Variants in GALNTL6 observed in about 807,000 individuals in gnomAD.
GALNTL6 encodes the protein polypeptide N-acetylgalactosaminyltransferase like 6.
GALNTL6 carries 46 observed loss-of-function variants against 73.7 expected under a neutral mutation model. The observed-to-expected ratio is 0.62, with a 90% confidence interval of 0.49 to 0.80. The LOEUF is 0.80. GALNTL6 is among the 30% of genes least tolerant of loss of function. The pLI is 0.00. For missense variants in GALNTL6, 604 were observed against 755.0 expected (o/e 0.80, Z 2.34); for synonymous variants, 259 against 263.7 (o/e 0.98, Z 0.17).
intron 2 of GALNTL6, among the ~76,000 whole-genome samples, chr4:172,022,902 A>G (rs891743893): frequency 6.6e-6 from 1 of 151,932 alleles, no homozygotes; most frequent in East Asian, 1.9e-4. Flanking sequence ...TCACAATTCC[A>G]TTCTAAATCT....
intron 2 of GALNTL6, among the ~76,000 whole-genome samples, chr4:172,199,273 G>C (rs540246035): frequency 3.9e-5 from 6 of 151,914 alleles, no homozygotes; most frequent in Non-Finnish European, 7.4e-5. Context: ...TAGGATTTTT[G>C]TGGAATTTTT....
chr4:172,553,904 G>T (rs939119718), intron 5 of GALNTL6, among the ~76,000 whole-genome samples: 4 of 152,008 alleles, frequency 2.6e-5, no homozygotes, highest in African/African-American at 9.7e-5. Flanking sequence ...AAAAAAATTA[G>T]CCAGGCATGG....
chr4:172,461,573 C>G (rs1732619872), intron 5 of GALNTL6, among the ~76,000 whole-genome samples: 1 of 152,090 alleles, frequency 6.6e-6, no homozygotes, highest in African/African-American at 2.4e-5. Context: ...GTGTTTCACT[C>G]TGGCCCAAAA....
At chr4:172,922,311 T>C (rs949829125) in intron 8 of GALNTL6, among the ~76,000 whole-genome samples, 4 of 152,168 alleles carry the variant, frequency 2.6e-5, no homozygotes, top group African/African-American at 9.7e-5. Flanking sequence ...ATGCCACTTT[T>C]TTTAGACTAT....
chr4:172,654,596 C>T (rs141479444), intron 5 of GALNTL6, among the ~76,000 whole-genome samples: 25 of 152,246 alleles, frequency 1.6e-4, no homozygotes, highest in African/African-American at 5.1e-4. Context: ...AGAAATTCCT[C>T]GGGCAATCTG....
At chr4:172,544,971 C>T (rs1393300325) in intron 5 of GALNTL6, among the ~76,000 whole-genome samples, 1 of 152,058 alleles carries the variant, frequency 6.6e-6, no homozygotes, top group East Asian at 1.9e-4. Flanking sequence ...CCAGGTTTTT[C>T]CCAATGCTTA....
chr4:172,536,493 T>A (rs1735349936), intron 5 of GALNTL6, among the ~76,000 whole-genome samples: 1 of 152,142 alleles, frequency 6.6e-6, no homozygotes, highest in Admixed American at 6.6e-5. Context: ...TGAGGAATGT[T>A]TTGGGAAGTG....
At chr4:172,090,464 T>A (rs1732170874) in intron 2 of GALNTL6, among the ~76,000 whole-genome samples, 1 of 152,244 alleles carries the variant, frequency 6.6e-6, no homozygotes. Context: ...ATGATAAGCA[T>A]TTTTTCATAT....
intron 2 of GALNTL6, among the ~76,000 whole-genome samples, chr4:172,008,152 G>A (rs1426644666): frequency 6.6e-6 from 1 of 152,126 alleles, no homozygotes; most frequent in African/African-American, 2.4e-5. Context: ...TATTCAAACA[G>A]CTTTCATACC....
intron 5 of GALNTL6, among the ~76,000 whole-genome samples, chr4:172,740,382 G>C (rs904685705): frequency 3.3e-5 from 5 of 152,180 alleles, no homozygotes; most frequent in African/African-American, 1.2e-4. Flanking sequence ...CAGCATGGCT[G>C]CCTTCACTTT....
chr4:172,138,980 G>C (rs1403219976), intron 2 of GALNTL6, among the ~76,000 whole-genome samples: 1 of 152,020 alleles, frequency 6.6e-6, no homozygotes, highest in Non-Finnish European at 1.5e-5. Context: ...ACTTTTAAAA[G>C]TAAATCTATC....
At chr4:171,850,510 T>C (rs1735495654) in intron 2 of GALNTL6, among the ~76,000 whole-genome samples, 1 of 152,324 alleles carries the variant, frequency 6.6e-6, no homozygotes, top group South Asian at 2.1e-4. Flanking sequence ...TCGAAGCCAG[T>C]GCTTGTTTAA....
At chr4:173,007,024 G>T (rs1349086925) in intron 10 of GALNTL6, among the ~76,000 whole-genome samples, 1 of 152,116 alleles carries the variant, frequency 6.6e-6, no homozygotes, top group Admixed American at 6.5e-5. Flanking sequence ...AGTCCCTATT[G>T]AATAAGGAGA....
At chr4:172,729,444 A>G (rs965561772) in intron 5 of GALNTL6, among the ~76,000 whole-genome samples, 1 of 152,132 alleles carries the variant, frequency 6.6e-6, no homozygotes, top group Non-Finnish European at 1.5e-5. Context: ...ATTCTTCTAC[A>G]TATAGATAGT....
chr4:172,955,550 T>C (rs1424581749), intron 10 of GALNTL6, among the ~76,000 whole-genome samples: 2 of 152,238 alleles, frequency 1.3e-5, no homozygotes, highest in Non-Finnish European at 2.9e-5. Context: ...TTTCAAAATG[T>C]TGACACATGC....
chr4:172,640,740 G>A (rs1317423760), intron 5 of GALNTL6, among the ~76,000 whole-genome samples: 3 of 152,044 alleles, frequency 2.0e-5, no homozygotes, highest in Admixed American at 1.3e-4. Flanking sequence ...ACACCTTTTT[G>A]AAGGCCCTGC....
intron 5 of GALNTL6, among the ~76,000 whole-genome samples, chr4:172,742,063 C>T (rs1736839614): frequency 6.6e-6 from 1 of 151,996 alleles, no homozygotes; most frequent in African/African-American, 2.4e-5. Context: ...TAAAACATCT[C>T]TCAGTTCTCT....
chr4:172,411,060 C>G (rs961924430), intron 5 of GALNTL6, among the ~76,000 whole-genome samples: 1 of 152,092 alleles, frequency 6.6e-6, no homozygotes, highest in Non-Finnish European at 1.5e-5. Flanking sequence ...ATTAAATGAA[C>G]TATGCTACCC....
intron 11 of GALNTL6, 40 bp downstream of exon 11, chr4:173,009,334 C>G: frequency 2.6e-6 from 3 of 1,158,136 alleles, no homozygotes; most frequent in Non-Finnish European, 2.6e-6. Flanking sequence ...GGGAACCAGT[C>G]GGGGGCTGAT....
Sources: allele counts gnomAD v4.1 joint callset (sites outside exome capture counted in the v4.1 genomes callset), GRCh38; gene constraint gnomAD v4.1.1; transcripts MANE v1.5; gene names NCBI Gene and HGNC (gene_info 2026-07-23, HGNC 2026-07-21).